The following AP1S3 variants were observed in gnomAD, a reference collection of about 807,000 sequenced individuals.
The protein encoded by AP1S3 is adaptor related protein complex 1 subunit sigma 3.
A neutral mutation model predicts 20.9 loss-of-function variants in AP1S3; 10 were observed. The ratio of observed to expected loss-of-function variants is 0.48; its 90% CI spans 0.29 to 0.81. The LOEUF is 0.81. Among genes scored for constraint, AP1S3 ranks in the 30% least tolerant of loss-of-function variants. The pLI, the probability that AP1S3 is intolerant of heterozygous loss-of-function variation, is 0.08. For missense variants in AP1S3, 154 were observed against 183.8 expected (o/e 0.84, Z 0.94); for synonymous variants, 41 against 61.5 (o/e 0.67, Z 1.56).
At chr2:223,761,743 T>C (rs531853910) in intron 4 of AP1S3, among the ~76,000 whole-genome samples, 1 of 151,918 alleles carries the variant, frequency 6.6e-6, no homozygotes, top group South Asian at 2.1e-4. Flanking sequence ...ATCATTTTTC[T>C]GTAGAGACAA....
intron 1 of AP1S3, among the ~76,000 whole-genome samples, chr2:223,815,451 C>T (rs77601380): frequency 0.014 from 2,128 of 152,270 alleles, 59 homozygotes; most frequent in African/African-American, 0.047. Context: ...TCTGACCCAA[C>T]TCTCAAAACA....
Position 223,755,818 on chromosome 2 carries a change from C to T in AP1S3, c.*2897G>A, listed in dbSNP as rs1006845823. 7 of 985,236 alleles carry T rather than the reference C, an allele frequency of 7.1e-6. No homozygotes were observed. In the African/African-American group the frequency reaches 1.2e-4, roughly 17 times the overall value. 61.0% of individuals were successfully genotyped at this position (985,236 alleles called of 1,614,324 possible). A position where few individuals can be genotyped will look rare whatever the true frequency, so the allele number is the denominator to read the frequency against. On this transcript the variant is annotated 3_prime_UTR_variant, in exon 5 of 5. Transcript: ENST00000396654. ...GTGCTGGGATTACAGGCGTGAGCCA[C>T]CTTGCCCAGAAGAGATATATTTACT...
Position 223,805,519 on chromosome 2 carries a change from A to G in AP1S3, c.4-27650T>C, listed in dbSNP as rs116562758. Among the ~76,000 whole-genome samples the G allele has an allele frequency of 8.9e-3, 1,358 of 152,326 alleles. 19 individuals are homozygous for G. Among genetic ancestry groups the G allele is most frequent in the African/African-American group, 0.031 (1,286 of 41,560 alleles). Reference sequence around the variant, plus strand: ...TTCCTGCCTTTCAATTATAACATGCAATGCTACACTTCTGATGTCAAGATA... The same window carrying G: ...TTCCTGCCTTTCAATTATAACATGCGATGCTACACTTCTGATGTCAAGATA... On this transcript the variant is annotated intron_variant, in intron 1 of 4. Transcript: ENST00000396654.
intron 1 of AP1S3, among the ~76,000 whole-genome samples, 194 bp downstream of exon 1, chr2:223,837,254 T>A (rs1016725980): frequency 6.6e-6 from 1 of 150,486 alleles, no homozygotes; most frequent in Non-Finnish European, 1.5e-5. Context: ...GCCGCAGGAA[T>A]CCCGGGCAAG....
chr2:223,765,269 C>T lies in AP1S3; in HGVS notation c.373G>A (p.Glu125Lys). ...TTGACAGCAATTTTCTTGGATGTTT[C>T]CTGAATTTCCCCACCTATTATAAAC... ...DEFIIGGEIQ[E>K]TSKKIAVKAI... is the part of the protein sequence containing the mutation. The change falls in exon 4 of 5, where the codon GAA (glutamate) becomes AAA (lysine). Residue 125 changes from glutamate to lysine, a missense_variant. Physicochemically the swap from Glu to Lys is moderately conservative, Grantham distance 56. Coordinates refer to ENST00000396654, the MANE Select transcript of AP1S3 (RefSeq NM_001039569.2). 6.2e-7 allele frequency: 1 copy of T among 1,613,968 alleles called. No individual in the cohort carries two copies. Among genetic ancestry groups the T allele is most frequent in the African/African-American group, 1.3e-5 (1 of 74,984 alleles).
chr2:223,832,787 A>C (rs1210701842), intron 1 of AP1S3, among the ~76,000 whole-genome samples: 1 of 149,246 alleles, frequency 6.7e-6, no homozygotes. Flanking sequence ...AAATGAACAA[A>C]GGAATTTTTT....
At position 223,757,908 on chromosome 2, in the gene AP1S3, TTATTGC is replaced by T. The variant is rs1690259490; in HGVS notation, c.*801_*806del. The T allele has an allele frequency of 2.0e-6, 2 of 977,258 alleles. No individual in the cohort carries two copies. The highest frequency in any genetic ancestry group is 1.2e-4 in the Admixed American group (2 of 16,272). 60.5% of individuals were successfully genotyped at this position (977,258 alleles called of 1,614,324 possible). ...TTTTAAAAAATAGTAGCAATAATTA[TTATTGC>T]TATTAATTCTTATCATACTATTTTA... On this transcript the variant is annotated 3_prime_UTR_variant, in exon 5 of 5. Coordinates refer to ENST00000396654, the MANE Select transcript of AP1S3 (RefSeq NM_001039569.2).
chr2:223,773,210 C>G, intron 3 of AP1S3: 1 of 1,134,210 alleles, frequency 8.8e-7, no homozygotes, highest in Admixed American at 3.1e-5. Context: ...AAAATTCAGC[C>G]CCAATTCACA....
chr2:223,810,560 T>G (rs1691700092), intron 1 of AP1S3, among the ~76,000 whole-genome samples: 1 of 152,148 alleles, frequency 6.6e-6, no homozygotes, highest in Non-Finnish European at 1.5e-5. Flanking sequence ...CCACCCACCT[T>G]GTCCTCCCAA....
chr2:223,833,965 A>G (rs1692339540), intron 1 of AP1S3, among the ~76,000 whole-genome samples: 3 of 151,590 alleles, frequency 2.0e-5, no homozygotes. Flanking sequence ...CTGGAGTGCA[A>G]TGGCACGATC....
At chr2:223,768,808 T>C (rs919188107) in intron 3 of AP1S3, among the ~76,000 whole-genome samples, 1 of 152,090 alleles carries the variant, frequency 6.6e-6, no homozygotes, top group Admixed American at 6.6e-5. Context: ...TGAGCCAAAA[T>C]CATGCCACTG....
Position 223,758,571 on chromosome 2 carries a change from A to C in AP1S3, c.*144T>G, listed in dbSNP as rs906462497. ...ATAGTAATTATAAATATGTTAAACA[A>C]CTTTAACTTTGTTAGTTAACAAAGA... On this transcript the variant is annotated 3_prime_UTR_variant, in exon 5 of 5. Coordinates refer to ENST00000396654, the MANE Select transcript of AP1S3 (RefSeq NM_001039569.2). 21 of 1,360,614 alleles carry C rather than the reference A, an allele frequency of 1.5e-5. No individual in the cohort carries two copies. Among genetic ancestry groups the C allele is most frequent in the South Asian group, 6.8e-5 (3 of 44,080 alleles). The allele number at this position is 1,360,614 out of a possible 1,614,324, so 84.3% of individuals were successfully genotyped here. A position where few individuals can be genotyped will look rare whatever the true frequency, so the allele number is the denominator to read the frequency against.
At chr2:223,823,222 A>T (rs550537223) in intron 1 of AP1S3, among the ~76,000 whole-genome samples, 1 of 152,356 alleles carries the variant, frequency 6.6e-6, no homozygotes, top group South Asian at 2.1e-4. Context: ...CATATGATCC[A>T]GCAATCCCAC....
At chr2:223,806,277 A>ATTTTTTTTTTTTTTTTTTTTTTTTTTTTT in intron 1 of AP1S3, among the ~76,000 whole-genome samples, 1 of 111,058 alleles carries the variant, frequency 9.0e-6, no homozygotes, top group Non-Finnish European at 1.7e-5. Flanking sequence ...AAACAAAGGA[A>ATTTTTTTTTTTTTTTTTTTTTTTTTTTTT]TTTTTTTTTT....
At chr2:223,814,718 C>A (rs7587148) in intron 1 of AP1S3, among the ~76,000 whole-genome samples, 76,638 of 152,024 alleles carry the variant, frequency 0.5, 19,431 homozygotes, top group Middle Eastern at 0.58. Flanking sequence ...ATATGACAGG[C>A]GTTCTAAGAC....
At chr2:223,786,422 C>A (rs1691076132) in intron 1 of AP1S3, among the ~76,000 whole-genome samples, 2 of 152,010 alleles carry the variant, frequency 1.3e-5, no homozygotes, top group South Asian at 2.1e-4. Context: ...AGGTGCGATC[C>A]AGTGGGTTAT....
chr2:223,755,746 G>A lies in AP1S3; in HGVS notation c.*2969C>T. Reference sequence around the variant, plus strand: ...GGGTTTCACCATGTTGGCCAGGCTGGTCTCGAACTCCTGACCTCAGGTGAT... The same window carrying A: ...GGGTTTCACCATGTTGGCCAGGCTGATCTCGAACTCCTGACCTCAGGTGAT... On this transcript the variant is annotated 3_prime_UTR_variant, in exon 5 of 5. Coordinates refer to ENST00000396654, the MANE Select transcript of AP1S3 (RefSeq NM_001039569.2). 1 of 671,296 alleles carries A rather than the reference G, an allele frequency of 1.5e-6. No individual in the cohort carries two copies. Among genetic ancestry groups the A allele is most frequent in the Non-Finnish European group, 1.8e-6 (1 of 543,180 alleles). The allele number at this position is 671,296 out of a possible 1,614,324, so 41.6% of individuals were successfully genotyped here.
chr2:223,824,009 T>A (rs552408550), intron 1 of AP1S3, among the ~76,000 whole-genome samples: 1 of 152,184 alleles, frequency 6.6e-6, no homozygotes, highest in African/African-American at 2.4e-5. Context: ...GTCGTTGTTT[T>A]TGTTTGTTTT....
At chr2:223,768,748 A>G (rs1048690861) in intron 3 of AP1S3, among the ~76,000 whole-genome samples, 5 of 152,148 alleles carry the variant, frequency 3.3e-5, no homozygotes, top group Non-Finnish European at 7.4e-5. Flanking sequence ...CCAGCTACTC[A>G]GGAAGGTGAG....
Sources: allele counts gnomAD v4.1 joint callset (sites outside exome capture counted in the v4.1 genomes callset), GRCh38; gene constraint gnomAD v4.1.1; transcripts MANE v1.5; gene names NCBI Gene and HGNC (gene_info 2026-07-23, HGNC 2026-07-21).